Variants in SDC2 observed in about 807,000 individuals in gnomAD.
SDC2 encodes syndecan 2.
A neutral mutation model predicts 22.2 loss-of-function variants in SDC2; 13 were observed. The ratio of observed to expected loss-of-function variants is 0.59; its 90% confidence interval spans 0.38 to 0.93. SDC2 has a LOEUF of 0.93. Among genes scored for constraint, SDC2 ranks in the 40% least tolerant of loss-of-function variants. The pLI is 0.00. For missense variants in SDC2, 235 were observed against 246.8 expected (o/e 0.95, Z 0.32); for synonymous variants, 94 against 92.8 (o/e 1.01, Z -0.07).
At chr8:96,496,744 A>C (rs1813083007) in intron 1 of SDC2, among the ~76,000 whole-genome samples, 1 of 152,312 alleles carries the variant, frequency 6.6e-6, no homozygotes, top group East Asian at 1.9e-4. Flanking sequence ...ACAGTTAGTG[A>C]ATTCTTAAGT....
chr8:96,548,016 G>T (rs974258412), intron 1 of SDC2, among the ~76,000 whole-genome samples: 4 of 152,154 alleles, frequency 2.6e-5, no homozygotes, highest in South Asian at 2.1e-4. Context: ...GCCTGCCTCA[G>T]CTTTCCAAAG....
intron 1 of SDC2, among the ~76,000 whole-genome samples, chr8:96,560,124 A>G (rs1185061247): frequency 6.6e-6 from 1 of 152,156 alleles, no homozygotes; most frequent in Non-Finnish European, 1.5e-5. Flanking sequence ...GTCCATTAGC[A>G]GTCACCCCTA....
intron 1 of SDC2, among the ~76,000 whole-genome samples, chr8:96,579,708 G>A (rs1234670584): frequency 6.6e-6 from 1 of 152,204 alleles, no homozygotes; most frequent in Non-Finnish European, 1.5e-5. Flanking sequence ...AAGAGTTGCA[G>A]AGTTTTAATC....
intron 1 of SDC2, among the ~76,000 whole-genome samples, chr8:96,502,046 C>T (rs1057447707): frequency 4.6e-5 from 7 of 152,102 alleles, no homozygotes; most frequent in Admixed American, 1.3e-4. Flanking sequence ...TTGTATTAGT[C>T]TGTTCTCACT....
intron 1 of SDC2, among the ~76,000 whole-genome samples, chr8:96,526,986 C>G (rs1813588324): frequency 6.6e-6 from 1 of 152,120 alleles, no homozygotes; most frequent in Admixed American, 6.5e-5. Flanking sequence ...GACTCTTGTT[C>G]CCAATACTTG....
intron 1 of SDC2, among the ~76,000 whole-genome samples, chr8:96,535,020 TC>T (rs200326798): frequency 6.6e-6 from 1 of 151,864 alleles, no homozygotes; most frequent in African/African-American, 2.4e-5. Flanking sequence ...TTTTTTTTTT[TC>T]GAGTCAGAGT....
intron 1 of SDC2, among the ~76,000 whole-genome samples, chr8:96,589,448 T>C (rs115447985): frequency 0.02 from 2,995 of 152,308 alleles, 96 homozygotes; most frequent in African/African-American, 0.069. Flanking sequence ...CTCCTTGCTC[T>C]GTCTCCCAGG....
rs13439376 is a variant in SDC2, at chr8:96,556,276, A to G, written c.61-37204A>G. 4.8e-3 allele frequency among the ~76,000 whole-genome samples: 724 copies of G among 152,116 alleles called. 4 individuals carry two copies. The highest frequency in any genetic ancestry group is 0.017 in the African/African-American group (699 of 41,490). ...GTTTATCAGAGAATGAAACGAAACAAATTATTCCTCCTCTTTTAGCTACTC... is the reference window on the plus strand; with the variant it reads ...GTTTATCAGAGAATGAAACGAAACAGATTATTCCTCCTCTTTTAGCTACTC... On this transcript the variant is annotated intron_variant, in intron 1 of 4. Coordinates refer to ENST00000302190, the MANE Select transcript of SDC2 (RefSeq NM_002998.4).
intron 1 of SDC2, among the ~76,000 whole-genome samples, chr8:96,506,377 G>C (rs1813238709): frequency 6.6e-6 from 1 of 151,928 alleles, no homozygotes; most frequent in Non-Finnish European, 1.5e-5. Flanking sequence ...TGAGAGCTGG[G>C]CCTTTGTATA....
chr8:96,499,438 T>C (rs1433330292), intron 1 of SDC2, among the ~76,000 whole-genome samples: 1 of 152,224 alleles, frequency 6.6e-6, no homozygotes. Flanking sequence ...ATCGCTGGTC[T>C]AGATCACAGC....
intron 1 of SDC2, among the ~76,000 whole-genome samples, chr8:96,549,579 T>A (rs1470238374): frequency 6.6e-6 from 1 of 152,194 alleles, no homozygotes; most frequent in African/African-American, 2.4e-5. Flanking sequence ...AGGGGGTGAT[T>A]ATTAATTTGC....
chr8:96,576,268 C>G (rs1242437387), intron 1 of SDC2, among the ~76,000 whole-genome samples: 1 of 151,590 alleles, frequency 6.6e-6, no homozygotes, highest in East Asian at 1.9e-4. Flanking sequence ...CTGGAGTTAC[C>G]CTACTGCCTT....
intron 1 of SDC2, among the ~76,000 whole-genome samples, chr8:96,590,173 AG>A (rs1814754915): frequency 6.6e-6 from 1 of 152,210 alleles, no homozygotes; most frequent in African/African-American, 2.4e-5. Context: ...ATCAGCCAAA[AG>A]GGAAAGGTCT....
chr8:96,582,908 A>G (rs139748309), intron 1 of SDC2, among the ~76,000 whole-genome samples: 3 of 152,294 alleles, frequency 2.0e-5, no homozygotes, highest in African/African-American at 7.2e-5. Context: ...GGCGCTAACA[A>G]GACGGGTTAT....
Position 96,537,952 on chromosome 8 carries a change from TTTTG to T in SDC2, c.60+43645_60+43648del, listed in dbSNP as rs1554601574. Reference sequence around the variant, plus strand: ...TTATCTGTAAAGCTTATGTTTTGTTTTTTGTTTGTTTGTTTGTTTGTTTGTTTTT... The same window carrying T: ...TTATCTGTAAAGCTTATGTTTTGTTTTTTGTTTGTTTGTTTGTTTGTTTTT... On this transcript the variant is annotated intron_variant, in intron 1 of 4. Transcript: ENST00000302190. Among the ~76,000 whole-genome samples, 847 of 150,926 alleles carry T rather than the reference TTTTG, an allele frequency of 5.6e-3. 28 individuals carry two copies. Among genetic ancestry groups the T allele is most frequent in the Admixed American group, 0.048 (733 of 15,160 alleles).
intron 1 of SDC2, among the ~76,000 whole-genome samples, chr8:96,577,931 C>T (rs931129937): frequency 1.3e-5 from 2 of 152,118 alleles, no homozygotes; most frequent in African/African-American, 4.8e-5. Flanking sequence ...ATCTTTTTAT[C>T]GCCAATAATA....
chr8:96,499,510 T>A (rs1458026278), intron 1 of SDC2, among the ~76,000 whole-genome samples: 1 of 152,212 alleles, frequency 6.6e-6, no homozygotes, highest in East Asian at 1.9e-4. Flanking sequence ...TAGCTGGGCT[T>A]AGAATACAAA....
At chr8:96,563,999 A>G (rs899561440) in intron 1 of SDC2, among the ~76,000 whole-genome samples, 4 of 152,186 alleles carry the variant, frequency 2.6e-5, no homozygotes, top group African/African-American at 4.8e-5. Context: ...TTAACAAACT[A>G]CAGGCTTGTA....
chr8:96,515,769 A>G (rs1813392089), intron 1 of SDC2, among the ~76,000 whole-genome samples: 2 of 152,222 alleles, frequency 1.3e-5, no homozygotes, highest in Admixed American at 1.3e-4. Context: ...CGAGAAGTTG[A>G]TGAATCTTCT....
Sources: allele counts gnomAD v4.1 joint callset (sites outside exome capture counted in the v4.1 genomes callset), GRCh38; gene constraint gnomAD v4.1.1; transcripts MANE v1.5; gene names NCBI Gene and HGNC (gene_info 2026-07-23, HGNC 2026-07-21).